The following HPN variants were observed in gnomAD, a reference collection of about 807,000 sequenced individuals.
HPN encodes hepsin.
A neutral mutation model predicts 55.9 loss-of-function variants in HPN; 13 were observed. The observed-to-expected ratio is 0.23, with a 90% CI of 0.15 to 0.37. The LOEUF is 0.37. HPN is among the 10% of genes least tolerant of loss of function. The pLI is 1.00. For synonymous variants in HPN, 225 were observed against 240.3 expected, an observed-to-expected ratio of 0.94 and a Z score of 0.59; for missense variants, 451 against 575.8, an observed-to-expected ratio of 0.78 and a Z score of 2.22.
chr19:35,059,702 A>T lies in HPN; in HGVS notation c.190A>T (p.Met64Leu). ...GGTCAGCTCTGCGGACGCTCGGCTC[A>T]TGGTCTTTGACAAGACGGAAGGGAC... ...VQVSSADARL[M>L]VFDKTEGTWR... Residue 64 changes from methionine (M) to leucine (L), a missense_variant, in exon 5 of 13, where the codon ATG becomes TTG. Met to Leu is a conservative substitution (Grantham distance 15). Coordinates refer to ENST00000672452, the MANE Select transcript of HPN (RefSeq NM_001384133.1). 6.2e-7 allele frequency: 1 copy of T among 1,600,632 alleles called. No individual in the cohort carries two copies. The highest frequency in any genetic ancestry group is 1.1e-5 in the South Asian group (1 of 88,712).
chr19:35,060,942 G>A, intron 9 of HPN, 125 bp downstream of exon 9: 1 of 827,204 alleles, frequency 1.2e-6, no homozygotes, highest in South Asian at 1.8e-5. Context: ...GAATGATCTC[G>A]AGGGAGCACA....
At chr19:35,049,268 C>T in intron 2 of HPN, 22 bp from the exon 3 acceptor site, 2 of 1,509,162 alleles carry the variant, frequency 1.3e-6, no homozygotes, top group Non-Finnish European at 1.8e-6. Flanking sequence ...TGGCTGTGGC[C>T]CCAGCATGGT....
chr19:35,049,555 G>A (rs756570901), intron 4 of HPN, 39 bp downstream of exon 4: 4 of 1,560,358 alleles, frequency 2.6e-6, no homozygotes, highest in African/African-American at 2.7e-5. Flanking sequence ...GGGAGCCCTG[G>A]AGGACACGTG....
At chr19:35,053,474 G>C (rs953479607) in intron 4 of HPN, among the ~76,000 whole-genome samples, 1 of 151,956 alleles carries the variant, frequency 6.6e-6, no homozygotes, top group Non-Finnish European at 1.5e-5. Context: ...AGGCCAGGCC[G>C]GTGCGGTGGC....
rs561436196 is a variant in HPN at position 35,065,272 on chromosome 19, C to A, written c.834C>A (p.Leu278=). 1.2e-6 allele frequency: 2 copies of A among 1,613,888 alleles called. No individual in the cohort carries two copies. The highest frequency in any genetic ancestry group is 2.2e-5 in the South Asian group (2 of 91,022). ...PLTEYIQPVC[L]PAAGQALVDG... is the part of the protein sequence containing the mutation. ...CAGAATACATCCAGCCTGTGTGCCT[C>A]CCAGCTGCCGGCCAGGCCCTGGTGG... is the stretch of plus-strand genomic sequence containing the variant. Residue 278 remains leucine (L), a synonymous_variant, in exon 10 of 13, where the codon CTC becomes CTA. Transcript: ENST00000672452.
upstream of HPN, among the ~76,000 whole-genome samples, chr19:35,041,324 A>G (rs376824244): frequency 4.6e-5 from 7 of 152,032 alleles, no homozygotes; most frequent in East Asian, 9.7e-4. Context: ...TGGGCAGGGA[A>G]TTAGGCAGAG....
At chr19:35,048,365 A>T (rs2064369388) in intron 2 of HPN, among the ~76,000 whole-genome samples, 2 of 152,230 alleles carry the variant, frequency 1.3e-5, no homozygotes, top group African/African-American at 4.8e-5. Context: ...CAGGAATCAT[A>T]GTTGTGGGAT....
Position 35,048,040 on chromosome 19 carries a change from G to GAA in HPN, c.17-1248_17-1247dup, listed in dbSNP as rs2064361198. Among the ~76,000 whole-genome samples, 3 of 49,304 alleles carry GAA rather than the reference G, an allele frequency of 6.1e-5. No homozygotes were observed. The South Asian group carries it at 2.0e-3, about 33-fold the overall frequency. 32.3% of individuals were successfully genotyped at this position (49,304 alleles called of 152,430 possible). On this transcript the variant is annotated intron_variant, in intron 2 of 12. Coordinates refer to ENST00000672452, the MANE Select transcript of HPN (RefSeq NM_001384133.1). ...AGAGAGAGAGAGAAAAAGAAAGAAA[G>GAA]AAAGAAAGAAAGAAAGAAAGAAAGA...
At chr19:35,042,131 G>A (rs906678753) in intron 1 of HPN, 6 of 1,126,492 alleles carry the variant, frequency 5.3e-6, no homozygotes, top group Non-Finnish European at 6.6e-6. Context: ...AGGGAGTCCT[G>A]GCCCCCAAAT....
At chr19:35,042,097 C>T (rs72550270) in intron 1 of HPN, 602 of 1,115,648 alleles carry the variant, frequency 5.4e-4, no homozygotes, top group Middle Eastern at 7.9e-4. Flanking sequence ...AGTTCCAGCC[C>T]TCAGGCCCCT....
intron 4 of HPN, chr19:35,059,337 T>A (rs8103570): frequency 2.3e-6 from 1 of 429,994 alleles, no homozygotes; most frequent in Non-Finnish European, 4.4e-6. Context: ...AAAAAATTAG[T>A]CAGGTGTGGT....
intron 1 of HPN, 65 bp from the exon 2 acceptor site, chr19:35,042,388 G>A: frequency 1.3e-6 from 2 of 1,482,482 alleles, no homozygotes; most frequent in Non-Finnish European, 1.8e-6. Flanking sequence ...CCTGGGACTG[G>A]GGGCGCCAGG....
At chr19:35,043,336 C>A (rs2064312183) in intron 2 of HPN, among the ~76,000 whole-genome samples, 1 of 152,184 alleles carries the variant, frequency 6.6e-6, no homozygotes, top group Non-Finnish European at 1.5e-5. Flanking sequence ...ACACATGGGA[C>A]CCAGCTGGAG....
intron 4 of HPN, among the ~76,000 whole-genome samples, chr19:35,056,671 G>A (rs991441963): frequency 1.3e-4 from 20 of 152,068 alleles, no homozygotes; most frequent in Admixed American, 6.6e-5. Context: ...ACATTTTATG[G>A]CCATCTGTCT....
At chr19:35,061,466 C>G (rs548281356) in intron 9 of HPN, among the ~76,000 whole-genome samples, 1 of 151,912 alleles carries the variant, frequency 6.6e-6, no homozygotes, top group Non-Finnish European at 1.5e-5. Flanking sequence ...TGGTGGCACA[C>G]GCCTGTAATC....
chr19:35,065,618 A>G lies in HPN; in HGVS notation c.987A>G (p.Gly329=). 1 of 1,614,186 alleles carries G rather than the reference A, an allele frequency of 6.2e-7. No homozygotes were observed. The highest frequency in any genetic ancestry group is 8.5e-7 in the Non-Finnish European group (1 of 1,180,024). ...NDVCNGADFY[G]NQIKPKMFCA... The stretch of plus-strand genomic sequence containing the variant: ...TCTGCAATGGCGCTGACTTCTATGG[A>G]AACCAGATCAAGCCCAAGATGTTCT... Residue 329 remains glycine (G), a synonymous_variant, in exon 11 of 13, where the codon GGA becomes GGG. Coordinates refer to ENST00000672452, the MANE Select transcript of HPN (RefSeq NM_001384133.1).
chr19:35,056,499 T>TG (rs1429775939), intron 4 of HPN, among the ~76,000 whole-genome samples: 1 of 152,158 alleles, frequency 6.6e-6, no homozygotes, highest in South Asian at 2.1e-4. Flanking sequence ...CTGAGGTGTG[T>TG]GGGGAACAGA....
At chr19:35,044,576 C>T (rs1871276005) in intron 2 of HPN, among the ~76,000 whole-genome samples, 2 of 152,170 alleles carry the variant, frequency 1.3e-5, no homozygotes, top group Admixed American at 6.5e-5. Context: ...TCTTGTCTAA[C>T]TTGTATTTTA....
At chr19:35,052,401 G>A (rs1011440307) in intron 4 of HPN, among the ~76,000 whole-genome samples, 3 of 151,968 alleles carry the variant, frequency 2.0e-5, no homozygotes, top group South Asian at 2.1e-4. Context: ...GGTGGCGGGC[G>A]CCTGTAATCC....
Sources: allele counts gnomAD v4.1 joint callset (sites outside exome capture counted in the v4.1 genomes callset), GRCh38; gene constraint gnomAD v4.1.1; transcripts MANE v1.5; gene names NCBI Gene and HGNC (gene_info 2026-07-23, HGNC 2026-07-21).